DNAAF9: variants seen among roughly 807,000 people sequenced by gnomAD.
DNAAF9 encodes shulin.
Under a neutral mutation model 167.0 loss-of-function variants are expected in DNAAF9, and 90 were observed. The ratio of observed to expected loss-of-function variants is 0.54; its 90% confidence interval spans 0.45 to 0.64. The LOEUF is 0.64. DNAAF9 is among the 30% of genes least tolerant of loss of function. The pLI is 0.00. For synonymous variants in DNAAF9, 491 were observed against 508.8 expected (o/e 0.96, Z 0.47); for missense variants, 1,315 against 1,442.2 (o/e 0.91, Z 1.43).
intron 1 of DNAAF9, among the ~76,000 whole-genome samples, chr20:3,389,335 A>G (rs2083794248): frequency 6.7e-6 from 1 of 148,202 alleles, no homozygotes. Flanking sequence ...TTTTTTTTGT[A>G]GAGATGGGTC....
intron 6 of DNAAF9, among the ~76,000 whole-genome samples, chr20:3,369,193 GT>G (rs913873082): frequency 1.3e-5 from 2 of 151,370 alleles, no homozygotes; most frequent in East Asian, 3.9e-4. Context: ...AGATTTAAGG[GT>G]TTTTTTTCCT....
At chr20:3,284,319 C>A (rs570266306) in intron 27 of DNAAF9, among the ~76,000 whole-genome samples, 33 of 151,936 alleles carry the variant, frequency 2.2e-4, no homozygotes, top group Non-Finnish European at 4.4e-4. Context: ...TAGCTGTGAC[C>A]ACAGGTGTGC....
intron 29 of DNAAF9, among the ~76,000 whole-genome samples, chr20:3,271,765 G>A (rs1188305525): frequency 6.6e-6 from 1 of 151,844 alleles, no homozygotes; most frequent in Admixed American, 6.6e-5. Context: ...GGGATTACTG[G>A]TGCGCGCCAC....
intron 18 of DNAAF9, chr20:3,316,110 T>C (rs2069496004): frequency 2.6e-6 from 1 of 385,458 alleles, no homozygotes; most frequent in Non-Finnish European, 4.7e-6. Flanking sequence ...GATAATGTAT[T>C]AAAATATTTT....
intron 4 of DNAAF9, 76 bp downstream of exon 4, chr20:3,376,102 C>T: frequency 1.6e-6 from 2 of 1,285,932 alleles, no homozygotes; most frequent in Non-Finnish European, 2.2e-6. Flanking sequence ...ATTGCTGATC[C>T]TATTTCAGAT....
chr20:3,334,573 C>T (rs1315371460), intron 10 of DNAAF9, among the ~76,000 whole-genome samples: 3 of 152,132 alleles, frequency 2.0e-5, no homozygotes, highest in Non-Finnish European at 2.9e-5. Flanking sequence ...TACCAAAAAG[C>T]GAAATTGCTG....
intron 26 of DNAAF9, among the ~76,000 whole-genome samples, 196 bp from the exon 27 acceptor site, chr20:3,287,986 C>A (rs565186629): frequency 2.0e-5 from 3 of 152,312 alleles, no homozygotes; most frequent in Non-Finnish European, 4.4e-5. Flanking sequence ...ATCCTGAAAC[C>A]ACTGTCACTG....
intron 31 of DNAAF9, among the ~76,000 whole-genome samples, chr20:3,262,916 A>T (rs2068417735): frequency 6.6e-6 from 1 of 150,572 alleles, no homozygotes; most frequent in Admixed American, 6.6e-5. Flanking sequence ...AATTTTACAT[A>T]CTGACCCTCT....
chr20:3,290,830 C>T (rs922124675), intron 25 of DNAAF9, among the ~76,000 whole-genome samples: 1 of 150,388 alleles, frequency 6.6e-6, no homozygotes, highest in African/African-American at 2.5e-5. Context: ...ACTCTGTCGC[C>T]CAGGCTGAAG....
chr20:3,295,478 C>CTAT (rs2069054999), intron 23 of DNAAF9: 1 of 241,058 alleles, frequency 4.1e-6, no homozygotes, highest in Non-Finnish European at 8.1e-6. Flanking sequence ...TGCGCCTGAC[C>CTAT]TTTTTTTTTT....
At chr20:3,300,516 T>C (rs1441953836) in intron 21 of DNAAF9, among the ~76,000 whole-genome samples, 1 of 151,604 alleles carries the variant, frequency 6.6e-6, no homozygotes, top group Non-Finnish European at 1.5e-5. Flanking sequence ...TGTGGCATGA[T>C]CACAGCTCAC....
chr20:3,252,287 A>G lies in DNAAF9; in HGVS notation c.*285T>C, dbSNP rs962537503. On this transcript the variant is annotated 3_prime_UTR_variant, in exon 37 of 37. Transcript: ENST00000252032. ...TCAAGAGCCCAAAGGAGATCCTGTT[A>G]TCAGAAACCCAGAGCTCCTGGACTG... The G allele has an allele frequency of 1.0e-5, 3 of 293,226 alleles. No individual in the cohort carries two copies. The highest frequency in any genetic ancestry group is 9.5e-5 in the South Asian group (2 of 21,076). 18.2% of individuals were successfully genotyped at this position (293,226 alleles called of 1,614,324 possible). A position where few individuals can be genotyped will look rare whatever the true frequency, so the allele number is the denominator to read the frequency against.
intron 13 of DNAAF9, 94 bp from the exon 14 acceptor site, chr20:3,325,062 T>C (rs1412307795): frequency 1.3e-6 from 1 of 783,264 alleles, no homozygotes; most frequent in Non-Finnish European, 2.3e-6. Flanking sequence ...TTGTCCAGGA[T>C]CACACCATGC....
At chr20:3,333,234 T>C (rs535328891) in intron 10 of DNAAF9, among the ~76,000 whole-genome samples, 1 of 152,308 alleles carries the variant, frequency 6.6e-6, no homozygotes, top group South Asian at 2.1e-4. Context: ...TTTTCAAATT[T>C]TTATTCTTCT....
intron 12 of DNAAF9, among the ~76,000 whole-genome samples, chr20:3,328,570 C>T (rs1444270421): frequency 6.6e-6 from 1 of 152,162 alleles, no homozygotes; most frequent in Non-Finnish European, 1.5e-5. Flanking sequence ...AGTTACCACT[C>T]AATACCAGTC....
rs757227234 is a variant in DNAAF9, at chr20:3,316,688, C to A, written c.1539+35G>T. Reference sequence around the variant, plus strand: ...AAGTGTTCACCCTGATTTCTCCACACGTAGGTCCACTTCCACCTGATGAAT... The same window carrying A: ...AAGTGTTCACCCTGATTTCTCCACAAGTAGGTCCACTTCCACCTGATGAAT... On this transcript the variant is annotated intron_variant, in intron 18 of 36. Coordinates refer to ENST00000252032, the MANE Select transcript of DNAAF9 (RefSeq NM_001009984.3). 5.2e-5 allele frequency: 78 copies of A among 1,501,814 alleles called. 2 individuals are homozygous for A. The South Asian group carries it at 8.6e-4, about 17-fold the overall frequency. The allele number at this position is 1,501,814 out of a possible 1,614,324, so 93.0% of individuals were successfully genotyped here.
In DNAAF9 at chr20:3,337,370, TCTC is replaced by T. The variant is rs2069979616; in HGVS notation, c.981+3131_981+3133del. Among the ~76,000 whole-genome samples, 2 of 150,704 alleles carry T rather than the reference TCTC, an allele frequency of 1.3e-5. 1 individual carries two copies. ...CCTCCGCCTTCCAAGTTCAAGCACT[TCTC>T]CTGCCTCAGCCTCCCAAGCAGCCGG... is the stretch of plus-strand genomic sequence containing the variant. On this transcript the variant is annotated intron_variant, in intron 10 of 36. Transcript: ENST00000252032.
Position 3,374,985 on chromosome 20 carries a change from C to T in DNAAF9, c.505+45G>A, listed in dbSNP as rs756426413. ...GAAAAGTAGTGACGTTCAATTCACACACCACCTAAGCAAGGTTCTAGAAGG... is the reference window on the plus strand; with the variant it reads ...GAAAAGTAGTGACGTTCAATTCACATACCACCTAAGCAAGGTTCTAGAAGG... On this transcript the variant is annotated intron_variant, in intron 5 of 36. Coordinates refer to ENST00000252032, the MANE Select transcript of DNAAF9 (RefSeq NM_001009984.3). The T allele has an allele frequency of 2.9e-6, 3 of 1,033,828 alleles. No homozygotes were observed. The Admixed American group carries it at 5.5e-5, about 19-fold the overall frequency. 64.0% of individuals were successfully genotyped at this position (1,033,828 alleles called of 1,614,324 possible). A position where few individuals can be genotyped will look rare whatever the true frequency, so the allele number is the denominator to read the frequency against.
chr20:3,344,887 GTTGT>G (rs1355928854), intron 8 of DNAAF9, among the ~76,000 whole-genome samples: 1 of 152,080 alleles, frequency 6.6e-6, no homozygotes, highest in Non-Finnish European at 1.5e-5. Context: ...CTCATTGTTT[GTTGT>G]CTTCTTTTAT....
Sources: gnomAD v4.1 joint callset for allele counts (sites outside exome capture counted in the v4.1 genomes callset) on GRCh38, gnomAD v4.1.1 for gene constraint, MANE v1.5 for transcripts, NCBI Gene and HGNC (gene_info 2026-07-23, HGNC 2026-07-21) for gene names.